ADGRF5: variants seen among roughly 807,000 people sequenced by gnomAD.
The protein encoded by ADGRF5 is G-protein coupled receptor 116.
Under a neutral mutation model 132.3 loss-of-function variants are expected in ADGRF5, and 75 were observed. The ratio of observed to expected loss-of-function variants is 0.57; its 90% confidence interval spans 0.47 to 0.69. ADGRF5 has a LOEUF of 0.69. Among genes scored for constraint, ADGRF5 ranks in the 30% least tolerant of loss-of-function variants. ADGRF5 has a pLI of 0.00. For synonymous variants in ADGRF5, 629 were observed against 597.6 expected (o/e 1.05, Z -0.77); for missense variants, 1,516 against 1,630.6 (o/e 0.93, Z 1.21).
chr6:46,916,042 C>T (rs17470473), intron 1 of ADGRF5, among the ~76,000 whole-genome samples: 15,406 of 152,128 alleles, frequency 0.1, 873 homozygotes, highest in East Asian at 0.18. Flanking sequence ...CCTCACTGTG[C>T]GCCCTGCCAA....
intron 1 of ADGRF5, among the ~76,000 whole-genome samples, chr6:46,950,066 T>A (rs762651489): frequency 2.6e-5 from 4 of 152,196 alleles, no homozygotes; most frequent in African/African-American, 4.8e-5. Flanking sequence ...ATCACCGCAC[T>A]GACATCACGA....
chr6:46,859,723 G>T (rs1053381190), intron 16 of ADGRF5, among the ~76,000 whole-genome samples, 200 bp from the exon 17 acceptor site: 2 of 152,168 alleles, frequency 1.3e-5, no homozygotes, highest in Admixed American at 1.3e-4. Flanking sequence ...ACTGAAAGAT[G>T]CCAGTAAGCA....
intron 1 of ADGRF5, chr6:46,908,089 G>T (rs1775577781): frequency 6.6e-6 from 1 of 152,186 alleles, no homozygotes; most frequent in Non-Finnish European, 1.5e-5. Flanking sequence ...TCAATTGCCA[G>T]CTGACAACTG....
intron 1 of ADGRF5, among the ~76,000 whole-genome samples, chr6:46,927,084 C>T (rs1424119786): frequency 6.6e-6 from 1 of 152,118 alleles, no homozygotes; most frequent in Non-Finnish European, 1.5e-5. Flanking sequence ...ATCCAAATTC[C>T]ATCATTCTAT....
chr6:46,899,889 A>G, intron 3 of ADGRF5, 140 bp downstream of exon 3: 1 of 633,768 alleles, frequency 1.6e-6, no homozygotes, highest in South Asian at 2.0e-5. Context: ...CCTAGTAATT[A>G]TTTTTGGAAA....
At chr6:46,869,746 G>A (rs1770840528) in intron 11 of ADGRF5, among the ~76,000 whole-genome samples, 1 of 152,106 alleles carries the variant, frequency 6.6e-6, no homozygotes, top group African/African-American at 2.4e-5. Context: ...AAAAGTAATG[G>A]CTAAAAGCAC....
At chr6:46,910,128 C>A (rs1562227607) in intron 1 of ADGRF5, among the ~76,000 whole-genome samples, 1 of 152,204 alleles carries the variant, frequency 6.6e-6, no homozygotes. Flanking sequence ...CTAGAAAGAG[C>A]TGAGTGTCTC....
intron 2 of ADGRF5, chr6:46,905,481 A>C (rs943962782): frequency 1.3e-5 from 2 of 152,228 alleles, no homozygotes; most frequent in Non-Finnish European, 2.9e-5. Context: ...ATGATATCAA[A>C]TGGGAATAAA....
upstream of ADGRF5, among the ~76,000 whole-genome samples, chr6:46,925,473 T>C (rs9296514): frequency 0.01 from 1,568 of 152,298 alleles, 29 homozygotes; most frequent in African/African-American, 0.035. Flanking sequence ...GGTAAGCTCC[T>C]AAGTCGAGTG....
At chr6:46,925,933 T>G (rs554117559), upstream of ADGRF5, among the ~76,000 whole-genome samples, 64 of 152,150 alleles carry the variant, frequency 4.2e-4, no homozygotes, top group South Asian at 3.1e-3. Context: ...CTTTTATTTT[T>G]TAAGCCATAA....
At position 46,858,839 on chromosome 6, in the gene ADGRF5, A is replaced by G. The variant is rs1453675180; in HGVS notation, c.3064T>C (p.Phe1022Leu). ...LDIISYVGVG[F>L]SILSLAACLV... The stretch of plus-strand genomic sequence containing the variant: ...CAGGCTGCCAAGCTCAAGATGGAAA[A>G]GCCCACCCCAACATAAGAAATAATA... The change falls in exon 17 of 21, where the codon TTT becomes CTT. Residue 1022 changes from phenylalanine (F) to leucine (L), a missense_variant. Coordinates refer to ENST00000283296, the MANE Select transcript of ADGRF5 (RefSeq NM_001098518.2). 3 of 1,613,990 alleles carry G rather than the reference A, an allele frequency of 1.9e-6. No homozygotes were observed. The highest frequency in any genetic ancestry group is 2.5e-6 in the Non-Finnish European group (3 of 1,179,982).
At chr6:46,894,948 G>A (rs1317601167) in intron 3 of ADGRF5, among the ~76,000 whole-genome samples, 1 of 152,190 alleles carries the variant, frequency 6.6e-6, no homozygotes, top group Non-Finnish European at 1.5e-5. Context: ...GGAAGCCAAG[G>A]CGGGCAGATC....
chr6:46,877,306 T>TCTTTCCTTCC (rs369575219), intron 10 of ADGRF5, among the ~76,000 whole-genome samples: 1 of 77,136 alleles, frequency 1.3e-5, no homozygotes, highest in African/African-American at 5.7e-5. Flanking sequence ...TCTCTCTCTC[T>TCTTTCCTTCC]TTCCTTCCTT....
chr6:46,864,977 A>T (rs1172341340), intron 14 of ADGRF5, 65 bp downstream of exon 14: 8 of 1,037,348 alleles, frequency 7.7e-6, no homozygotes, highest in Non-Finnish European at 1.2e-5. Flanking sequence ...TGAATGAGGG[A>T]GTGAATAAAT....
At chr6:46,864,726 G>A (rs1354140707) in intron 14 of ADGRF5, among the ~76,000 whole-genome samples, 2 of 151,972 alleles carry the variant, frequency 1.3e-5, no homozygotes, top group East Asian at 1.9e-4. Flanking sequence ...AGGTTTCACC[G>A]TGTTAGCCAG....
At chr6:46,878,493 T>G in intron 9 of ADGRF5, 88 bp from the exon 10 acceptor site, 1 of 785,648 alleles carries the variant, frequency 1.3e-6, no homozygotes, top group Non-Finnish European at 2.1e-6. Flanking sequence ...ATCATGACAG[T>G]ACTTCATGAA....
rs1772047808 is a variant in ADGRF5, at chr6:46,878,338, C to G, written c.1104G>C (p.Met368Ile). ...EYECKKKIDV[M>I]PIQILANEEM... ...CTTCATTTGCCAAAATTTGGATGGG[C>G]ATAACATCTATTTTCTTCTTGCACT... is the stretch of plus-strand genomic sequence containing the variant. The change falls in exon 10 of 21, where the codon ATG (methionine) becomes ATC (isoleucine). Residue 368 changes from methionine (M) to isoleucine (I), a missense_variant. Met to Ile is a conservative substitution (Grantham distance 10). Coordinates refer to ENST00000283296, the MANE Select transcript of ADGRF5 (RefSeq NM_001098518.2). 2.5e-6 allele frequency: 4 copies of G among 1,612,670 alleles called. No individual in the cohort carries two copies. In the South Asian group the frequency reaches 4.4e-5, roughly 18 times the overall value.
chr6:46,898,035 A>G (rs1209208603), intron 3 of ADGRF5, among the ~76,000 whole-genome samples: 1 of 152,208 alleles, frequency 6.6e-6, no homozygotes, highest in Non-Finnish European at 1.5e-5. Context: ...TGTATAATAA[A>G]TGGAAAACAT....
chr6:46,875,702 C>A (rs867874020), intron 10 of ADGRF5, among the ~76,000 whole-genome samples: 1 of 152,174 alleles, frequency 6.6e-6, no homozygotes, highest in Middle Eastern at 3.4e-3. Context: ...CCTTGAACCC[C>A]AGGAGCGGAG....
Sources: allele counts gnomAD v4.1 joint callset (sites outside exome capture counted in the v4.1 genomes callset), GRCh38; gene constraint gnomAD v4.1.1; transcripts MANE v1.5; gene names NCBI Gene and HGNC (gene_info 2026-07-23, HGNC 2026-07-21).